The following SPATS2 variants were observed in gnomAD, a reference collection of about 807,000 sequenced individuals.
SPATS2 encodes spermatogenesis-associated serine-rich protein 2.
A neutral mutation model predicts 63.7 loss-of-function variants in SPATS2; 38 were observed. The observed-to-expected ratio is 0.60, with a 90% CI of 0.46 to 0.78. SPATS2 has a LOEUF of 0.78. SPATS2 is among the 30% of genes least tolerant of loss of function. SPATS2 has a pLI of 0.00. For synonymous variants in SPATS2, 207 were observed against 232.9 expected (o/e 0.89, Z 1.01); for missense variants, 588 against 666.2 (o/e 0.88, Z 1.29).
At chr12:49,422,932 T>A (rs968629875) in intron 2 of SPATS2, among the ~76,000 whole-genome samples, 11 of 152,046 alleles carry the variant, frequency 7.2e-5, no homozygotes, top group African/African-American at 2.2e-4. Flanking sequence ...AAAATTTTTT[T>A]AATTGACTGT....
At chr12:49,436,663 T>C (rs1290653743) in intron 2 of SPATS2, among the ~76,000 whole-genome samples, 4 of 48,684 alleles carry the variant, frequency 8.2e-5, no homozygotes, top group Non-Finnish European at 8.1e-5. Flanking sequence ...GGGGCTCCTC[T>C]CTTCCCAGTA....
intron 11 of SPATS2, among the ~76,000 whole-genome samples, chr12:49,520,456 C>A (rs1055213335): frequency 6.6e-6 from 1 of 152,022 alleles, no homozygotes; most frequent in African/African-American, 2.4e-5. Flanking sequence ...TCCTGACTTC[C>A]CCATCATATC....
intron 2 of SPATS2, among the ~76,000 whole-genome samples, chr12:49,447,621 C>CT (rs1231987899): frequency 6.6e-6 from 1 of 152,122 alleles, no homozygotes; most frequent in Non-Finnish European, 1.5e-5. Context: ...TGGCCTTGTG[C>CT]TTTTTTGTGT....
intron 2 of SPATS2, among the ~76,000 whole-genome samples, chr12:49,437,594 A>G (rs1466973099): frequency 6.6e-6 from 1 of 151,880 alleles, no homozygotes; most frequent in Admixed American, 6.5e-5. Context: ...CGGGAGGCCA[A>G]GGCTGGCGGA....
At chr12:49,510,971 GCAGGCAGAT>G (rs1946742528) in intron 9 of SPATS2, among the ~76,000 whole-genome samples, 2 of 152,138 alleles carry the variant, frequency 1.3e-5, no homozygotes, top group Admixed American at 6.5e-5. Context: ...GTAATCCCAG[GCAGGCAGAT>G]CACTTGAAGC....
intron 2 of SPATS2, among the ~76,000 whole-genome samples, chr12:49,420,199 G>T (rs540451709): frequency 1.3e-5 from 2 of 152,258 alleles, no homozygotes; most frequent in South Asian, 4.1e-4. Context: ...TGAGCTTTGA[G>T]CTTTTGCATT....
intron 4 of SPATS2, among the ~76,000 whole-genome samples, chr12:49,486,729 C>T (rs1946300255): frequency 6.7e-6 from 1 of 148,240 alleles, no homozygotes; most frequent in African/African-American, 2.5e-5. Flanking sequence ...TGCAGTGAGC[C>T]GAGATTGTGC....
chr12:49,374,378 C>T lies in SPATS2; in HGVS notation c.-244+3088C>T, dbSNP rs540063639. 2.4e-3 allele frequency among the ~76,000 whole-genome samples: 370 copies of T among 152,156 alleles called. 1 individual carries two copies. The highest frequency in any genetic ancestry group is 8.5e-3 in the African/African-American group (352 of 41,512). The stretch of plus-strand genomic sequence containing the variant: ...TTCTGGGTTCAAGCGATCCTCCTGC[C>T]CTTGGCCTTCCGAAGTGCTGGGATT... On this transcript the variant is annotated intron_variant, in intron 2 of 13. Transcript: ENST00000552918.
chr12:49,458,854 A>G (rs1353896408), intron 2 of SPATS2, among the ~76,000 whole-genome samples: 1 of 151,720 alleles, frequency 6.6e-6, no homozygotes, highest in African/African-American at 2.4e-5. Context: ...CAGCATTTGT[A>G]TCTTTGTAAT....
chr12:49,376,557 C>T (rs1030533773), intron 2 of SPATS2, among the ~76,000 whole-genome samples: 1 of 151,630 alleles, frequency 6.6e-6, no homozygotes, highest in South Asian at 2.1e-4. Flanking sequence ...CCACCATGCC[C>T]TGCTAATTTT....
Position 49,399,419 on chromosome 12 carries a change from C to T in SPATS2, c.-244+28129C>T, listed in dbSNP as rs568327184. Reference sequence around the variant, plus strand: ...TGTACTACTAGAAAAGAGAAATAAGCCCAAGATGGATAGTCTATTAGGGGC... The same window carrying T: ...TGTACTACTAGAAAAGAGAAATAAGTCCAAGATGGATAGTCTATTAGGGGC... On this transcript the variant is annotated intron_variant, in intron 2 of 13. Transcript: ENST00000552918. Among the ~76,000 whole-genome samples the T allele has an allele frequency of 1.2e-4, 18 of 152,184 alleles. No individual in the cohort carries two copies. The East Asian group carries it at 1.7e-3, about 15-fold the overall frequency.
intron 10 of SPATS2, among the ~76,000 whole-genome samples, chr12:49,518,456 T>G (rs1367980349): frequency 1.3e-5 from 2 of 152,212 alleles, no homozygotes; most frequent in East Asian, 3.8e-4. Context: ...CGGTAAATAA[T>G]TGTGGTATAT....
chr12:49,403,127 A>C (rs566385092), intron 2 of SPATS2, among the ~76,000 whole-genome samples: 1 of 152,260 alleles, frequency 6.6e-6, no homozygotes, highest in Admixed American at 6.5e-5. Context: ...ACACATCATG[A>C]TGACATTAGT....
intron 2 of SPATS2, among the ~76,000 whole-genome samples, chr12:49,426,794 C>T (rs377660720): frequency 2.0e-5 from 3 of 152,310 alleles, no homozygotes; most frequent in East Asian, 1.9e-4. Flanking sequence ...CCTCCCGCCT[C>T]GGCCTCCCAA....
At chr12:49,510,996 G>A (rs1485959457) in intron 9 of SPATS2, among the ~76,000 whole-genome samples, 1 of 152,094 alleles carries the variant, frequency 6.6e-6, no homozygotes, top group East Asian at 1.9e-4. Context: ...GAAGCCAGGA[G>A]TTTGAGACCA....
chr12:49,411,579 ATACT>A (rs1944798276), intron 2 of SPATS2, among the ~76,000 whole-genome samples: 1 of 152,222 alleles, frequency 6.6e-6, no homozygotes, highest in Non-Finnish European at 1.5e-5. Flanking sequence ...AGCAGAATAC[ATACT>A]TTATTCTTTA....
At chr12:49,387,647 A>G (rs1411653879) in intron 2 of SPATS2, among the ~76,000 whole-genome samples, 1 of 151,386 alleles carries the variant, frequency 6.6e-6, no homozygotes, top group Non-Finnish European at 1.5e-5. Flanking sequence ...TCAAAAAAAA[A>G]AAAAAAAAAA....
chr12:49,367,276 T>G (rs1445307241), upstream of SPATS2: 4 of 340,992 alleles, frequency 1.2e-5, no homozygotes, highest in Non-Finnish European at 2.1e-5. Context: ...GAGCTCTGGC[T>G]GGCTGGCTGG....
intron 2 of SPATS2, among the ~76,000 whole-genome samples, chr12:49,452,368 C>T (rs1262079607): frequency 2.6e-5 from 4 of 152,186 alleles, no homozygotes; most frequent in Admixed American, 6.5e-5. Context: ...CAACCTTGAC[C>T]TTCTGAGCTC....
Sources: gnomAD v4.1 joint callset for allele counts (sites outside exome capture counted in the v4.1 genomes callset) on GRCh38, gnomAD v4.1.1 for gene constraint, MANE v1.5 for transcripts, NCBI Gene and HGNC (gene_info 2026-07-23, HGNC 2026-07-21) for gene names.